Variants in SRMS observed in about 807,000 individuals in gnomAD.
SRMS encodes the protein src-related kinase lacking C-terminal regulatory tyrosine and N-terminal myristylation sites.
In SRMS, 42 loss-of-function variants were observed where a neutral mutation model predicts 43.5. That is an observed-to-expected ratio of 0.97 (90% confidence interval 0.75 to 1.25). The LOEUF (loss-of-function observed/expected upper bound fraction) is 1.25. Ranked by LOEUF, SRMS falls within the 50% of genes most tolerant of loss-of-function variation. The pLI is 0.00. For missense variants in SRMS, 703 were observed against 681.0 expected (o/e 1.03, Z -0.36); for synonymous variants, 316 against 308.2 (o/e 1.03, Z -0.27).
In SRMS at chr20:63,539,977, C is replaced by T. The variant is rs8123935; in HGVS notation, c.*841G>A. On this transcript the variant is annotated 3_prime_UTR_variant, in exon 8 of 8. Transcript: ENST00000217188. ...GCAGCTCCTGCCAATGCCCTTGGGG[C>T]TCACGCTCTCTGGGCACCATGATGT... Among the ~76,000 whole-genome samples the T allele has an allele frequency of 2.7e-3, 405 of 152,346 alleles. 2 individuals are homozygous for T. Among genetic ancestry groups the T allele is most frequent in the African/African-American group, 9.2e-3 (384 of 41,580 alleles).
chr20:63,542,578 C>A lies in SRMS; in HGVS notation c.649G>T (p.Ala217Ser), dbSNP rs746551679. 1.2e-6 allele frequency: 2 copies of A among 1,608,686 alleles called. No homozygotes were observed. The highest frequency in any genetic ancestry group is 1.7e-6 in the Non-Finnish European group (2 of 1,177,712). The change falls in exon 4 of 8, where the codon GCC becomes TCC. Residue 217 changes from alanine to serine, a missense_variant. Transcript: ENST00000217188. Reference sequence around the variant, plus strand: ...CGCTCCCACACGTCCTGCCTCGGGGCCTTCTGCAGGGAGGGTGGGCAGGGA... The same window carrying A: ...CGCTCCCACACGTCCTGCCTCGGGGACTTCTGCAGGGAGGGTGGGCAGGGA... Reference protein sequence around the residue: ...PLLQPCMPQKAPRQDVWERPH... With the variant: ...PLLQPCMPQKSPRQDVWERPH...
At position 63,542,453 on chromosome 20, in the gene SRMS, C is replaced by G; in HGVS notation, c.774G>C (p.Lys258Asn). Reference sequence around the variant, plus strand: ...TCGGGGCCTCACCTGACTTGATGACCTTGATCGCCACGGGCAGGGAGCCCA... The same window carrying G: ...TCGGGGCCTCACCTGACTTGATGACGTTGATCGCCACGGGCAGGGAGCCCA... Reference protein sequence around the residue: ...LWLGSLPVAIKVIKSANMKLT... With the variant: ...LWLGSLPVAINVIKSANMKLT... The change falls in exon 4 of 8, where the codon AAG (lysine) becomes AAC (asparagine). Residue 258 changes from lysine (K) to asparagine (N), a missense_variant. By Grantham distance (94) the Lys-to-Asn change is moderately conservative. Coordinates refer to ENST00000217188, the MANE Select transcript of SRMS (RefSeq NM_080823.4). The G allele has an allele frequency of 6.2e-7, 1 of 1,611,820 alleles. No individual in the cohort carries two copies. The highest frequency in any genetic ancestry group is 1.7e-4 in the Middle Eastern group (1 of 6,054).
chr20:63,541,132 C>T (rs1461315506), intron 7 of SRMS, 59 bp downstream of exon 7: 13 of 1,551,090 alleles, frequency 8.4e-6, no homozygotes, highest in South Asian at 7.3e-5. Context: ...CGTCCAGGCC[C>T]GGGGCCAGTG....
Position 63,541,220 on chromosome 20 carries a change from AC to A in SRMS, c.1255del (p.Val419PhefsTer12), listed in dbSNP as rs1213344702. Reference sequence around the variant, plus strand: ...ATAGGGACACTGGCCATAGGTGAAAACCTCGTGCAGCAGGACGCCGAAGGAC... The same window carrying A: ...ATAGGGACACTGGCCATAGGTGAAAACTCGTGCAGCAGGACGCCGAAGGAC... ...VWSFGVLLHE[V>X]FTYGQCPYEG... On this transcript the variant is annotated frameshift_variant, in exon 7 of 8. Coordinates refer to ENST00000217188, the MANE Select transcript of SRMS (RefSeq NM_080823.4). LOFTEE classifies it low-confidence loss of function (END_TRUNC). The A allele has an allele frequency of 6.4e-7, 1 of 1,562,570 alleles. No homozygotes were observed. Among genetic ancestry groups the A allele is most frequent in the African/African-American group, 1.4e-5 (1 of 72,304 alleles).
chr20:63,545,267 A>G (rs1311654289), intron 1 of SRMS, among the ~76,000 whole-genome samples: 1 of 151,964 alleles, frequency 6.6e-6, no homozygotes, highest in African/African-American at 2.4e-5. Flanking sequence ...CGTCTGCATA[A>G]CTCTGCTGCT....
At chr20:63,547,054 G>A in intron 1 of SRMS, 54 bp downstream of exon 1, 4 of 1,434,832 alleles carry the variant, frequency 2.8e-6, no homozygotes, top group Non-Finnish European at 3.7e-6. Flanking sequence ...CCGTTGTTCT[G>A]GACTCCCCAG....
At chr20:63,544,102 G>T (rs2082718197) in intron 2 of SRMS, 125 bp downstream of exon 2, 2 of 1,175,728 alleles carry the variant, frequency 1.7e-6, no homozygotes, top group Non-Finnish European at 2.2e-6. Context: ...CAGCATATCT[G>T]CTGTTGGGCC....
In SRMS at chr20:63,543,460, A is replaced by C; in HGVS notation, c.499T>G (p.Cys167Gly). Residue 167 changes from cysteine (C) to glycine (G), a missense_variant, in exon 3 of 8, where the codon TGC becomes GGC. Transcript: ENST00000217188. ...SLSVRAQAKV[C>G]HYRVSMAADG... Reference sequence around the variant, plus strand: ...GCTGCCATGGAGACCCGGTAGTGGCAGACCTTGGCCTGGGCCCGGACTAGG... The same window carrying C: ...GCTGCCATGGAGACCCGGTAGTGGCCGACCTTGGCCTGGGCCCGGACTAGG... 6.2e-7 allele frequency: 1 copy of C among 1,612,800 alleles called. No individual in the cohort carries two copies. The highest frequency in any genetic ancestry group is 8.5e-7 in the Non-Finnish European group (1 of 1,179,940).
chr20:63,544,976 T>TACAGGACGGCCG, intron 1 of SRMS, among the ~76,000 whole-genome samples: 1 of 152,326 alleles, frequency 6.6e-6, no homozygotes, highest in East Asian at 1.9e-4. Context: ...TTGTGCCCAG[T>TACAGGACGGCCG]ACAGGACGGC....
chr20:63,541,224 C>G lies in SRMS; in HGVS notation c.1252G>C (p.Glu418Gln). 2 of 1,564,892 alleles carry G rather than the reference C, an allele frequency of 1.3e-6. No individual in the cohort carries two copies. Among genetic ancestry groups the G allele is most frequent in the Non-Finnish European group, 1.7e-6 (2 of 1,161,280 alleles). ...DVWSFGVLLHEVFTYGQCPYE... is the reference protein window; with the variant it reads ...DVWSFGVLLHQVFTYGQCPYE... ...GGACACTGGCCATAGGTGAAAACCT[C>G]GTGCAGCAGGACGCCGAAGGACCAG... The change falls in exon 7 of 8, where the codon GAG becomes CAG. Residue 418 changes from glutamate to glutamine, a missense_variant. Physicochemically the swap from Glu to Gln is conservative, Grantham distance 29. Transcript: ENST00000217188.
chr20:63,539,765 T>C lies in SRMS; in HGVS notation c.*1053A>G, dbSNP rs2082692330. On this transcript the variant is annotated 3_prime_UTR_variant, in exon 8 of 8. Coordinates refer to ENST00000217188, the MANE Select transcript of SRMS (RefSeq NM_080823.4). ...TTCCTGAGCCACTTGCTGCCCAGCA[T>C]ACCATGGCATCTACCTCCGAGCCCC... is the stretch of plus-strand genomic sequence containing the variant. Among the ~76,000 whole-genome samples, 1 of 151,878 alleles carries C rather than the reference T, an allele frequency of 6.6e-6. No homozygotes were observed. The highest frequency in any genetic ancestry group is 6.6e-5 in the Admixed American group (1 of 15,260).
At position 63,544,301 on chromosome 20, in the gene SRMS, A is replaced by G. The variant is rs2082719616; in HGVS notation, c.404T>C (p.Leu135Pro). The G allele has an allele frequency of 2.0e-6, 3 of 1,484,214 alleles. No individual in the cohort carries two copies. The East Asian group carries it at 8.4e-5, about 42-fold the overall frequency. The allele number at this position is 1,484,214 out of a possible 1,614,324, so 91.9% of individuals were successfully genotyped here. The stretch of plus-strand genomic sequence containing the variant: ...GGCCCCTGGTTCGTTGGGTGGGGAG[A>G]GGAGCAGCTGCTGTGCCTGGGTCCG... ...VSRTQAQQLLLSPPNEPGAFL... is the reference protein window; with the variant it reads ...VSRTQAQQLLPSPPNEPGAFL... The change falls in exon 2 of 8, where the codon CTC (leucine) becomes CCC (proline). Residue 135 changes from leucine to proline, a missense_variant. Leu to Pro is a moderately conservative substitution (Grantham distance 98). Coordinates refer to ENST00000217188, the MANE Select transcript of SRMS (RefSeq NM_080823.4).
At position 63,538,988 on chromosome 20, in the gene SRMS, C is replaced by A. The variant is rs942972558; in HGVS notation, c.*1830G>T. ...CAGGTGCCACAGACACACCTGGTCC[C>A]CTTAATCCCAGTGGCGGCTGCAGAG... On this transcript the variant is annotated 3_prime_UTR_variant, in exon 8 of 8. Transcript: ENST00000217188. Among the ~76,000 whole-genome samples, 5 of 152,158 alleles carry A rather than the reference C, an allele frequency of 3.3e-5. No individual in the cohort carries two copies. Among genetic ancestry groups the A allele is most frequent in the Admixed American group, 1.3e-4 (2 of 15,282 alleles).
intron 1 of SRMS, among the ~76,000 whole-genome samples, chr20:63,546,582 T>TCAGACCC (rs1555886930): frequency 7.5e-6 from 1 of 132,912 alleles, no homozygotes; most frequent in African/African-American, 3.9e-5. Flanking sequence ...TGGGCCCGTC[T>TCAGACCC]CAGCCCCCAG....
At position 63,540,549 on chromosome 20, in the gene SRMS, A is replaced by C. The variant is rs896191429; in HGVS notation, c.*269T>G. 2.0e-5 allele frequency among the ~76,000 whole-genome samples: 3 copies of C among 151,702 alleles called. No homozygotes were observed. Among genetic ancestry groups the C allele is most frequent in the African/African-American group, 7.3e-5 (3 of 41,292 alleles). On this transcript the variant is annotated 3_prime_UTR_variant, in exon 8 of 8. Transcript: ENST00000217188. Reference sequence around the variant, plus strand: ...CGAGTCACACTGCACGGGGAACGTCAGCCCCAGCCCTTCGTCTGCACGAGT... The same window carrying C: ...CGAGTCACACTGCACGGGGAACGTCCGCCCCAGCCCTTCGTCTGCACGAGT...
Position 63,538,505 on chromosome 20 carries a change from T to C in SRMS, c.*2313A>G, listed in dbSNP as rs2082685488. On this transcript the variant is annotated 3_prime_UTR_variant, in exon 8 of 8. Coordinates refer to ENST00000217188, the MANE Select transcript of SRMS (RefSeq NM_080823.4). ...TCCCTAAACTGCGTATTTCAACTTT[T>C]ATTTTTATTGCAAAGAGAAATAATG... Among the ~76,000 whole-genome samples, 2 of 152,230 alleles carry C rather than the reference T, an allele frequency of 1.3e-5. No homozygotes were observed. Among genetic ancestry groups the C allele is most frequent in the Non-Finnish European group, 2.9e-5 (2 of 68,046 alleles).
rs763339379 is a variant in SRMS at position 63,540,781 on chromosome 20, C to T, written c.*37G>A. On this transcript the variant is annotated 3_prime_UTR_variant, in exon 8 of 8. Coordinates refer to ENST00000217188, the MANE Select transcript of SRMS (RefSeq NM_080823.4). The stretch of plus-strand genomic sequence containing the variant: ...GCGCTCTGCAGGGAGGAGGGGCTGG[C>T]CTGGCTGGAGCCCAGAGCGTTGGGT... 4 of 1,556,912 alleles carry T rather than the reference C, an allele frequency of 2.6e-6. No individual in the cohort carries two copies. Among genetic ancestry groups the T allele is most frequent in the Non-Finnish European group, 3.5e-6 (4 of 1,152,974 alleles).
rs2082716983 is a variant in SRMS at position 63,543,870 on chromosome 20, TAGTG to T, written c.478+353_478+356del. On this transcript the variant is annotated intron_variant, in intron 2 of 7. Coordinates refer to ENST00000217188, the MANE Select transcript of SRMS (RefSeq NM_080823.4). Reference sequence around the variant, plus strand: ...CAAATCAGTGAATAAATGAGTGAATTAGTGAGTGACGAATGAACGAGTGAATGAG... The same window carrying T: ...CAAATCAGTGAATAAATGAGTGAATTAGTGACGAATGAACGAGTGAATGAG... 2.0e-5 allele frequency: 7 copies of T among 355,684 alleles called. No homozygotes were observed. The South Asian group carries it at 2.4e-4, about 12-fold the overall frequency. 22.0% of individuals were successfully genotyped at this position (355,684 alleles called of 1,614,324 possible). A position where few individuals can be genotyped will look rare whatever the true frequency, so the allele number is the denominator to read the frequency against.
In SRMS at chr20:63,540,824, G is replaced by A. The variant is rs961743546; in HGVS notation, c.1461C>T (p.His487=). 5 of 1,600,598 alleles carry A rather than the reference G, an allele frequency of 3.1e-6. No homozygotes were observed. Among genetic ancestry groups the A allele is most frequent in the African/African-American group, 1.3e-5 (1 of 74,806 alleles). ...CGTTGGGTCACGTGAGGACTCAGGG[G>A]TGGCATCTGTGGATGGCGTGCAGCT... ...REKLHAIHRC[H]P Residue 487 remains histidine, a synonymous_variant, in exon 8 of 8, where the codon CAC becomes CAT. Coordinates refer to ENST00000217188, the MANE Select transcript of SRMS (RefSeq NM_080823.4).
Sources: gnomAD v4.1 joint callset for allele counts (sites outside exome capture counted in the v4.1 genomes callset) on GRCh38, gnomAD v4.1.1 for gene constraint, MANE v1.5 for transcripts, NCBI Gene and HGNC (gene_info 2026-07-23, HGNC 2026-07-21) for gene names.